ANLN: variants seen among roughly 807,000 people sequenced by gnomAD.
ANLN encodes anillin.
In ANLN, 59 loss-of-function variants were observed where a neutral mutation model predicts 135.1. That is an observed-to-expected ratio of 0.44 (90% CI 0.35 to 0.54). ANLN has a LOEUF of 0.54. ANLN is among the 20% of genes least tolerant of loss of function. The probability of loss-of-function intolerance (pLI) is 0.00; values close to 1 mark genes in which losing one functional copy is unlikely to be tolerated. For missense variants in ANLN, 1,182 were observed against 1,340.0 expected (o/e 0.88, Z 1.84); for synonymous variants, 406 against 456.4 (o/e 0.89, Z 1.41).
intron 1 of ANLN, 79 bp from the exon 2 acceptor site, chr7:36,396,187 G>C (rs1030773024): frequency 1.6e-6 from 2 of 1,251,866 alleles, no homozygotes; most frequent in African/African-American, 3.0e-5. Context: ...TATGGCAATT[G>C]GTGATTTTAG....
rs1035003834 is a variant in ANLN at position 36,407,906 on chromosome 7, G to A, written c.1046G>A (p.Ser349Asn). 2.5e-6 allele frequency: 4 copies of A among 1,613,806 alleles called. No homozygotes were observed. The highest frequency in any genetic ancestry group is 2.2e-5 in the East Asian group (1 of 44,838). ...SQTVPSKGEL[S>N]REICLQSQSK... ...ACAGTTCCATCCAAGGGAGAATTAA[G>A]TAGAGAAATTTGTCTGCAATCTCAA... is the stretch of plus-strand genomic sequence containing the variant. Residue 349 changes from serine (S) to asparagine (N), a missense_variant, in exon 5 of 24, where the codon AGT (serine) becomes AAT (asparagine). Physicochemically the swap from Ser to Asn is conservative, Grantham distance 46. Around this residue, in one of 3 missense-constraint regions of ANLN, gnomAD observed 1,022 missense variants for 1,134.0 expected, o/e 0.90. Transcript: ENST00000265748.
intron 22 of ANLN, among the ~76,000 whole-genome samples, chr7:36,446,900 C>T (rs934736573): frequency 2.6e-5 from 4 of 152,118 alleles, no homozygotes; most frequent in Non-Finnish European, 2.9e-5. Context: ...TCTCAATGAC[C>T]GTAGCTTTAA....
intron 6 of ANLN, 102 bp from the exon 7 acceptor site, chr7:36,410,955 CTT>C: frequency 1.8e-6 from 2 of 1,117,878 alleles, no homozygotes; most frequent in Non-Finnish European, 2.5e-6. Context: ...ACTGTTTAAA[CTT>C]TTTAAACAGT....
intron 3 of ANLN, among the ~76,000 whole-genome samples, chr7:36,401,794 A>T (rs1786964358): frequency 8.5e-6 from 1 of 117,242 alleles, no homozygotes; most frequent in South Asian, 2.4e-4. Context: ...CAAATAAATT[A>T]AAAAAAAATT....
intron 20 of ANLN, among the ~76,000 whole-genome samples, chr7:36,435,096 A>G (rs1467895391): frequency 6.6e-6 from 1 of 152,196 alleles, no homozygotes; most frequent in East Asian, 1.9e-4. Flanking sequence ...CACTTTAAAT[A>G]TGTTCAATTT....
intron 22 of ANLN, among the ~76,000 whole-genome samples, chr7:36,447,576 C>T (rs1287442620): frequency 1.3e-5 from 2 of 152,094 alleles, no homozygotes; most frequent in African/African-American, 4.8e-5. Flanking sequence ...AGGTGCCCGC[C>T]ACCATTCCCG....
chr7:36,399,092 A>C lies in ANLN; in HGVS notation c.186A>C (p.Thr62=). 6.2e-7 allele frequency: 1 copy of C among 1,606,430 alleles called. No individual in the cohort carries two copies. Among genetic ancestry groups the C allele is most frequent in the South Asian group, 1.1e-5 (1 of 89,874 alleles). ...TTTTTAATGTAGAGAAATCTTGTACAAAACCATCGCCATCAAAAAAACGCT... is the reference window on the plus strand; with the variant it reads ...TTTTTAATGTAGAGAAATCTTGTACCAAACCATCGCCATCAAAAAAACGCT... ...PLSGGEEKSC[T]KPSPSKKRCS... Residue 62 remains threonine, a synonymous_variant, in exon 3 of 24, where the codon ACA becomes ACC. Coordinates refer to ENST00000265748, the MANE Select transcript of ANLN (RefSeq NM_018685.5).
At chr7:36,432,616 C>T (rs1485859987) in intron 20 of ANLN, among the ~76,000 whole-genome samples, 2 of 152,156 alleles carry the variant, frequency 1.3e-5, no homozygotes, top group Non-Finnish European at 1.5e-5. Context: ...TTATAGAAAA[C>T]GTTTGCCAAC....
rs77248468 is a variant in ANLN at position 36,407,746 on chromosome 7, C to T, written c.886C>T (p.Pro296Ser). ...TTTCATGTTTCAGAAAGCTACTTCT[C>T]CAGTGAAATCTACTACATCTATCAC... is the stretch of plus-strand genomic sequence containing the variant. ...SISSSVKATS[P>S]VKSTTSITDA... The change falls in exon 5 of 24, where the codon CCA (proline) becomes TCA (serine). Residue 296 changes from proline (P) to serine (S), a missense_variant. By Grantham distance (74) the Pro-to-Ser change is moderately conservative (BLOSUM62 -1). Transcript: ENST00000265748. 6.5e-7 allele frequency: 1 copy of T among 1,532,580 alleles called. No homozygotes were observed. Among genetic ancestry groups the T allele is most frequent in the Non-Finnish European group, 8.9e-7 (1 of 1,127,856 alleles). 94.9% of individuals were successfully genotyped at this position (1,532,580 alleles called of 1,614,324 possible). A position where few individuals can be genotyped will look rare whatever the true frequency, so the allele number is the denominator to read the frequency against.
intron 8 of ANLN, among the ~76,000 whole-genome samples, chr7:36,416,187 A>G (rs186239796): frequency 3.5e-4 from 53 of 151,900 alleles, no homozygotes; most frequent in African/African-American, 1.3e-3. Context: ...TGCCCAGCTA[A>G]TTTTTGTATT....
At chr7:36,414,653 T>C (rs774806875) in intron 7 of ANLN, among the ~76,000 whole-genome samples, 2 of 152,194 alleles carry the variant, frequency 1.3e-5, no homozygotes, top group Non-Finnish European at 2.9e-5. Context: ...TATGAGACCG[T>C]AGATTTTATA....
chr7:36,398,079 CAT>C (rs1353342914), intron 2 of ANLN, among the ~76,000 whole-genome samples: 9 of 152,100 alleles, frequency 5.9e-5, no homozygotes, highest in Non-Finnish European at 1.3e-4. Flanking sequence ...AAACTGACCT[CAT>C]ATGAAATGTA....
At chr7:36,438,947 G>A (rs112218690) in intron 20 of ANLN, among the ~76,000 whole-genome samples, 42 of 152,220 alleles carry the variant, frequency 2.8e-4, no homozygotes, top group African/African-American at 9.2e-4. Context: ...AAATATTGTC[G>A]TCTGTTTTCT....
intron 1 of ANLN, among the ~76,000 whole-genome samples, chr7:36,391,478 G>A (rs1786459065): frequency 6.6e-6 from 1 of 152,174 alleles, no homozygotes; most frequent in African/African-American, 2.4e-5. Context: ...GATGTGCTCA[G>A]AAATATGTAT....
At chr7:36,442,846 G>A (rs1451154573) in intron 21 of ANLN, among the ~76,000 whole-genome samples, 3 of 152,006 alleles carry the variant, frequency 2.0e-5, no homozygotes, top group East Asian at 1.9e-4. Flanking sequence ...TAGCCAGGAC[G>A]GTCTCGATCT....
chr7:36,392,515 T>TTG (rs1453221585), intron 1 of ANLN, among the ~76,000 whole-genome samples: 1 of 147,492 alleles, frequency 6.8e-6, no homozygotes. Context: ...TTGCAGTGGT[T>TTG]TTTTTTTTTT....
intron 21 of ANLN, 32 bp downstream of exon 21, chr7:36,439,322 T>C (rs1220650132): frequency 2.5e-6 from 3 of 1,216,826 alleles, no homozygotes; most frequent in South Asian, 1.4e-5. Context: ...TTAACTTCCT[T>C]TTTTCCATTT....
chr7:36,444,060 C>T (rs567069058), intron 22 of ANLN, among the ~76,000 whole-genome samples, 198 bp downstream of exon 22: 1 of 152,166 alleles, frequency 6.6e-6, no homozygotes, highest in African/African-American at 2.4e-5. Flanking sequence ...GAGGCCAAGG[C>T]GGGCAGATCA....
chr7:36,410,468 A>T (rs1787363826), intron 5 of ANLN, 46 bp from the exon 6 acceptor site: 16 of 1,489,024 alleles, frequency 1.1e-5, no homozygotes, highest in Non-Finnish European at 1.3e-5. Flanking sequence ...AATCGTAATA[A>T]TTTTTTATTT....
Sources: gnomAD v4.1 joint callset for allele counts (sites outside exome capture counted in the v4.1 genomes callset) on GRCh38, gnomAD v4.1.1 for gene constraint, gnomAD v4.1.1 regional missense constraint, MANE v1.5 for transcripts, NCBI Gene and HGNC (gene_info 2026-07-23, HGNC 2026-07-21) for gene names.